Variants in MUC3A observed in about 807,000 individuals in gnomAD.
MUC3A encodes the protein mucin-3A.
In MUC3A, 109 loss-of-function variants were observed where a neutral mutation model predicts 109.0. That is an observed-to-expected ratio of 1.00 (90% CI 0.86 to 1.17). MUC3A has a LOEUF of 1.17. MUC3A is among the 50% of genes most tolerant of loss of function. MUC3A has a pLI of 0.00. For missense variants in MUC3A, 3,537 were observed against 2,469.4 expected (o/e 1.43, Z -9.16); for synonymous variants, 1,398 against 981.4 (o/e 1.42, Z -7.93).
At chr7:100,966,972 AC>A in intron 11 of MUC3A, 21 bp downstream of exon 11, 1 of 1,598,502 alleles carries the variant, frequency 6.3e-7, no homozygotes, top group Non-Finnish European at 8.5e-7. Context: ...AAAGAGGGGG[AC>A]CCCAAGGAAC....
In MUC3A at chr7:100,959,699, A is replaced by T. The variant is rs1172790311; in HGVS notation, c.7920A>T (p.Gln2640His). Reference sequence around the variant, plus strand: ...CTAGCACACATTCCTCCACCCTTCAAACAACTCCTTCTACTCCCTCATTGC... The same window carrying T: ...CTAGCACACATTCCTCCACCCTTCATACAACTCCTTCTACTCCCTCATTGC... ...PIPSTHSSTLQTTPSTPSLQT... is the reference protein window; with the variant it reads ...PIPSTHSSTLHTTPSTPSLQT... Residue 2640 changes from glutamine to histidine, a missense_variant, in exon 2 of 12, where the codon CAA (glutamine) becomes CAT (histidine). Physicochemically the swap from Gln to His is conservative, Grantham distance 24. Coordinates refer to ENST00000379458, the MANE Select transcript of MUC3A (RefSeq NM_005960.2). 6.9e-6 allele frequency: 11 copies of T among 1,598,546 alleles called. No individual in the cohort carries two copies. The highest frequency in any genetic ancestry group is 1.1e-5 in the South Asian group (1 of 91,092).
chr7:100,958,662 A>C lies in MUC3A; in HGVS notation c.6883A>C (p.Thr2295Pro). Reference sequence around the variant, plus strand: ...TACTCCCAGCTCCACTTCTTTAATCACCACCACCAAGACCACCTCACACAG... The same window carrying C: ...TACTCCCAGCTCCACTTCTTTAATCCCCACCACCAAGACCACCTCACACAG... ...HSTPSSTSLI[T>P]TTKTTSHSTP... The change falls in exon 2 of 12, where the codon ACC becomes CCC. Residue 2295 changes from threonine (T) to proline (P), a missense_variant. Coordinates refer to ENST00000379458, the MANE Select transcript of MUC3A (RefSeq NM_005960.2). 1 of 1,169,502 alleles carries C rather than the reference A, an allele frequency of 8.6e-7. No homozygotes were observed. The highest frequency in any genetic ancestry group is 2.3e-5 in the South Asian group (1 of 44,054). 72.4% of individuals were successfully genotyped at this position (1,169,502 alleles called of 1,614,324 possible). A position where few individuals can be genotyped will look rare whatever the true frequency, so the allele number is the denominator to read the frequency against.
intron 1 of MUC3A, among the ~76,000 whole-genome samples, chr7:100,950,276 C>A (rs1204173015): frequency 6.6e-6 from 1 of 152,310 alleles, no homozygotes; most frequent in Admixed American, 6.5e-5. Flanking sequence ...CAGGGAGCTC[C>A]TGATGTCCAC....
chr7:100,954,617 A>C lies in MUC3A; in HGVS notation c.2838A>C (p.Ser946=). Residue 946 remains serine, a synonymous_variant, in exon 2 of 12, where the codon TCA becomes TCC. Coordinates refer to ENST00000379458, the MANE Select transcript of MUC3A (RefSeq NM_005960.2). ...ACACAACAGTTGAATCCACCCCATCACCCACTACCACCACCTCATTTACCA... is the reference window on the plus strand; with the variant it reads ...ACACAACAGTTGAATCCACCCCATCCCCCACTACCACCACCTCATTTACCA... ...TLHTTVESTP[S]PTTTTSFTTS... is the part of the protein sequence containing the mutation. The C allele has an allele frequency of 3.0e-6, 1 of 338,160 alleles. No homozygotes were observed. Among genetic ancestry groups the C allele is most frequent in the Non-Finnish European group, 5.0e-6 (1 of 198,730 alleles). The allele number at this position is 338,160 out of a possible 1,614,324, so 20.9% of individuals were successfully genotyped here.
chr7:100,962,035 A>G lies in MUC3A; in HGVS notation c.9052+1098A>G, dbSNP rs1163931237. Among the ~76,000 whole-genome samples the G allele has an allele frequency of 4.3e-5, 2 of 47,044 alleles. 1 individual carries two copies. Among genetic ancestry groups the G allele is most frequent in the Non-Finnish European group, 1.1e-4 (2 of 17,414 alleles). 30.9% of individuals were successfully genotyped at this position (47,044 alleles called of 152,430 possible). A position where few individuals can be genotyped will look rare whatever the true frequency, so the allele number is the denominator to read the frequency against. ...ATCACGAGGTCAGGAGATCGAGACCATCCCAGCTAAAACGGTGAAACCCCG... is the reference window on the plus strand; with the variant it reads ...ATCACGAGGTCAGGAGATCGAGACCGTCCCAGCTAAAACGGTGAAACCCCG... On this transcript the variant is annotated intron_variant, in intron 3 of 11. Coordinates refer to ENST00000379458, the MANE Select transcript of MUC3A (RefSeq NM_005960.2).
chr7:100,959,616 A>G lies in MUC3A; in HGVS notation c.7837A>G (p.Thr2613Ala), dbSNP rs1191993571. ...GGATTCCTCCACGTCCACTCTTCAT[A>G]CTCTTACTCCATCAACAGCCTTGAG... The part of the protein sequence containing the change: ...STDSSTSTLH[T>A]LTPSTALSTI... The change falls in exon 2 of 12, where the codon ACT becomes GCT. Residue 2613 changes from threonine (T) to alanine (A), a missense_variant. Physicochemically the swap from Thr to Ala is moderately conservative, Grantham distance 58. Coordinates refer to ENST00000379458, the MANE Select transcript of MUC3A (RefSeq NM_005960.2). 5.0e-6 allele frequency: 8 copies of G among 1,598,280 alleles called. No individual in the cohort carries two copies. The highest frequency in any genetic ancestry group is 5.9e-6 in the Non-Finnish European group (7 of 1,179,734).
Position 100,953,127 on chromosome 7 carries a change from A to T in MUC3A, c.1348A>T (p.Thr450Ser). Residue 450 changes from threonine to serine, a missense_variant, in exon 2 of 12, where the codon ACT becomes TCT. Thr to Ser is a moderately conservative substitution (Grantham distance 58, BLOSUM62 1). Coordinates refer to ENST00000379458, the MANE Select transcript of MUC3A (RefSeq NM_005960.2). ...STDIPFTTPT[T>S]ITHHSVGSTG... ...AGACATCCCTTTCACAACACCAACA[A>T]CTATCACCCACCATTCTGTGGGCTC... The T allele has an allele frequency of 4.1e-6, 3 of 729,770 alleles. No homozygotes were observed. Among genetic ancestry groups the T allele is most frequent in the Non-Finnish European group, 6.7e-6 (3 of 444,598 alleles). The allele number at this position is 729,770 out of a possible 1,614,324, so 45.2% of individuals were successfully genotyped here. A position where few individuals can be genotyped will look rare whatever the true frequency, so the allele number is the denominator to read the frequency against.
Position 100,957,587 on chromosome 7 carries a change from C to G in MUC3A, c.5808C>G (p.His1936Gln), listed in dbSNP as rs1271477087. 1 of 1,542,546 alleles carries G rather than the reference C, an allele frequency of 6.5e-7. No homozygotes were observed. The change falls in exon 2 of 12, where the codon CAC becomes CAG. Residue 1936 changes from histidine to glutamine, a missense_variant. Coordinates refer to ENST00000379458, the MANE Select transcript of MUC3A (RefSeq NM_005960.2). ...SSITTTETPS[H>Q]STPRFTSSIT... ...TCACCACTACCGAGACCCCCTCACA[C>G]AGTACTCCCAGATTCACTTCTTCAA...
At position 100,953,039 on chromosome 7, in the gene MUC3A, A is replaced by T; in HGVS notation, c.1260A>T (p.Ser420=). 3 of 1,511,300 alleles carry T rather than the reference A, an allele frequency of 2.0e-6. No individual in the cohort carries two copies. The highest frequency in any genetic ancestry group is 1.7e-4 in the Middle Eastern group (1 of 5,922). The allele number at this position is 1,511,300 out of a possible 1,614,324, so 93.6% of individuals were successfully genotyped here. A position where few individuals can be genotyped will look rare whatever the true frequency, so the allele number is the denominator to read the frequency against. Residue 420 remains serine (S), a synonymous_variant, in exon 2 of 12, where the codon TCA becomes TCT. Transcript: ENST00000379458. ...GCACATCCACAACTGCCATCTCCTC[A>T]CTTCCCCCTACCTCAGGTACTATGG... is the stretch of plus-strand genomic sequence containing the variant. ...TVSTSTTAIS[S]LPPTSGTMVT...
chr7:100,959,101 C>G lies in MUC3A; in HGVS notation c.7322C>G (p.Pro2441Arg). 1 of 1,592,984 alleles carries G rather than the reference C, an allele frequency of 6.3e-7. No individual in the cohort carries two copies. The highest frequency in any genetic ancestry group is 8.5e-7 in the Non-Finnish European group (1 of 1,176,978). The change falls in exon 2 of 12, where the codon CCC becomes CGC. Residue 2441 changes from proline to arginine, a missense_variant. By Grantham distance (103) the Pro-to-Arg change is moderately radical (BLOSUM62 -2). Transcript: ENST00000379458. ...ACTGAGACCACCTCAGAGAGTACTCCCAGCCTCAGTTCTTCAACCATCTAC... is the reference window on the plus strand; with the variant it reads ...ACTGAGACCACCTCAGAGAGTACTCGCAGCCTCAGTTCTTCAACCATCTAC... ...TTTETTSEST[P>R]SLSSSTIYST...
At chr7:100,962,369 GATC>G (rs1563072666) in intron 3 of MUC3A, among the ~76,000 whole-genome samples, 2 of 152,190 alleles carry the variant, frequency 1.3e-5, no homozygotes, top group African/African-American at 4.8e-5. Flanking sequence ...AGTGAGCTAT[GATC>G]CCCCTATTGC....
rs368753930 is a variant in MUC3A, at chr7:100,959,806, C to A, written c.8027C>A (p.Ser2676Tyr). 3.8e-6 allele frequency: 6 copies of A among 1,590,412 alleles called. No homozygotes were observed. Among genetic ancestry groups the A allele is most frequent in the Non-Finnish European group, 5.1e-6 (6 of 1,175,780 alleles). The change falls in exon 2 of 12, where the codon TCT (serine) becomes TAT (tyrosine). Residue 2676 changes from serine to tyrosine, a missense_variant. Transcript: ENST00000379458. ...GSTSTNAILTSFSTIIWSSTP... is the reference protein window; with the variant it reads ...GSTSTNAILTYFSTIIWSSTP... ...ACGTCTACAAATGCAATCTTGACTT[C>A]TTTTAGTACCATCATCTGGTCCTCA...
Position 100,960,358 on chromosome 7 carries a change from T to C in MUC3A, c.8579T>C (p.Val2860Ala), listed in dbSNP as rs772489583. The change falls in exon 2 of 12, where the codon GTT (valine) becomes GCT (alanine). Residue 2860 changes from valine (V) to alanine (A), a missense_variant. Val to Ala is a moderately conservative substitution (Grantham distance 64). Transcript: ENST00000379458. ...TGTGTVPTNT[V>A]FTSTRLPTSE... Reference sequence around the variant, plus strand: ...ACTGGGACTGTACCCACAAACACAGTTTTCACAAGTACTCGACTGCCCACC... The same window carrying C: ...ACTGGGACTGTACCCACAAACACAGCTTTCACAAGTACTCGACTGCCCACC... 3.8e-6 allele frequency: 6 copies of C among 1,598,430 alleles called. No individual in the cohort carries two copies. The South Asian group carries it at 4.4e-5, about 12-fold the overall frequency.
Position 100,958,887 on chromosome 7 carries a change from C to T in MUC3A, c.7108C>T (p.His2370Tyr). 6.3e-7 allele frequency: 1 copy of T among 1,594,458 alleles called. No individual in the cohort carries two copies. Among genetic ancestry groups the T allele is most frequent in the Non-Finnish European group, 8.5e-7 (1 of 1,177,290 alleles). Residue 2370 changes from histidine (H) to tyrosine (Y), a missense_variant, in exon 2 of 12, where the codon CAC becomes TAC. Transcript: ENST00000379458. ...SSITTTETTS[H>Y]STPSFSSSIT... ...GATCACCACCACCGAGACCACCTCA[C>T]ACAGTACTCCCAGCTTCAGTTCTTC...
rs1404395226 is a variant in MUC3A, at chr7:100,951,796, C to A, written c.62-45C>A. On this transcript the variant is annotated intron_variant, in intron 1 of 11. Coordinates refer to ENST00000379458, the MANE Select transcript of MUC3A (RefSeq NM_005960.2). ...TTACATGAGTGATGTAACAAAATGA[C>A]CCACGGATTTACCAGTGGATTCCTC... 5 of 1,579,984 alleles carry A rather than the reference C, an allele frequency of 3.2e-6. No individual in the cohort carries two copies. The South Asian group carries it at 4.5e-5, about 14-fold the overall frequency.
rs2116183429 is a variant in MUC3A, at chr7:100,957,968, C to G, written c.6189C>G (p.Ile2063Met). The stretch of plus-strand genomic sequence containing the variant: ...GTACTCCCAGCTTCACTTCATTGAT[C>G]ACCATCACCGAGATCACCTCACACA... ...SHSTPSFTSL[I>M]TITEITSHST... is the part of the protein sequence containing the mutation. Residue 2063 changes from isoleucine to methionine, a missense_variant, in exon 2 of 12, where the codon ATC (isoleucine) becomes ATG (methionine). Coordinates refer to ENST00000379458, the MANE Select transcript of MUC3A (RefSeq NM_005960.2). 4.1e-6 allele frequency: 3 copies of G among 726,470 alleles called. No individual in the cohort carries two copies. The East Asian group carries it at 7.6e-5, about 18-fold the overall frequency. The allele number at this position is 726,470 out of a possible 1,614,324, so 45.0% of individuals were successfully genotyped here. A position where few individuals can be genotyped will look rare whatever the true frequency, so the allele number is the denominator to read the frequency against.
In MUC3A at chr7:100,955,571, A is replaced by ATG. The variant is rs1792075953; in HGVS notation, c.3792_3793insTG (p.Thr1265Ter). 5.3e-4 allele frequency: 223 copies of ATG among 422,852 alleles called. No individual in the cohort carries two copies. Among genetic ancestry groups the ATG allele is most frequent in the South Asian group, 2.1e-3 (39 of 18,492 alleles). The allele number at this position is 422,852 out of a possible 1,614,324, so 26.2% of individuals were successfully genotyped here. On this transcript the variant is annotated frameshift_variant, in exon 2 of 12. Transcript: ENST00000379458. LOFTEE classifies it high-confidence loss of function. Reference sequence around the variant, plus strand: ...CTGCCACCACTCCCAGTTTGAGACCAACTATCACAAGTACTGACAGCACTC... The same window carrying ATG: ...CTGCCACCACTCCCAGTTTGAGACCATGACTATCACAAGTACTGACAGCACTC...
At position 100,966,922 on chromosome 7, in the gene MUC3A, G is replaced by C; in HGVS notation, c.9901G>C (p.Ala3301Pro). ...GTDKDTNFYV[A>P]LENVDTTMKV... The stretch of plus-strand genomic sequence containing the variant: ...AGACAAGGATACAAATTTCTATGTG[G>C]CCTTGGAGAACGTGGACACCACTAT... Residue 3301 changes from alanine (A) to proline (P), a missense_variant, in exon 11 of 12, where the codon GCC becomes CCC. By Grantham distance (27) the Ala-to-Pro change is conservative (BLOSUM62 -1). Transcript: ENST00000379458. 6.3e-7 allele frequency: 1 copy of C among 1,598,546 alleles called. No homozygotes were observed. Among genetic ancestry groups the C allele is most frequent in the South Asian group, 1.1e-5 (1 of 91,092 alleles).
At chr7:100,966,200 C>G in intron 8 of MUC3A, 186 bp from the exon 9 acceptor site, 1 of 338,910 alleles carries the variant, frequency 3.0e-6, no homozygotes, top group South Asian at 1.2e-4. Flanking sequence ...GGAATCCCGC[C>G]CCCTCACCTA....
Sources: gnomAD v4.1 joint callset for allele counts (sites outside exome capture counted in the v4.1 genomes callset) on GRCh38, gnomAD v4.1.1 for gene constraint, MANE v1.5 for transcripts, NCBI Gene and HGNC (gene_info 2026-07-23, HGNC 2026-07-21) for gene names.